PCDH9: variants seen among roughly 807,000 people sequenced by gnomAD.
PCDH9 encodes protocadherin-9.
A neutral mutation model predicts 70.6 loss-of-function variants in PCDH9; 24 were observed. That is an observed-to-expected ratio of 0.34 (90% confidence interval 0.25 to 0.48). The LOEUF is 0.48. PCDH9 is among the 20% of genes least tolerant of loss of function. The pLI, the probability that PCDH9 is intolerant of heterozygous loss-of-function variation, is 0.99. For synonymous variants in PCDH9, 562 were observed against 558.5 expected, an observed-to-expected ratio of 1.01 and a Z score of -0.09; for missense variants, 1,281 against 1,503.6, an observed-to-expected ratio of 0.85 and a Z score of 2.45.
At chr13:67,029,844 T>G (rs988515485) in intron 2 of PCDH9, among the ~76,000 whole-genome samples, 1 of 152,198 alleles carries the variant, frequency 6.6e-6, no homozygotes, top group Non-Finnish European at 1.5e-5. Context: ...TCCAGGTAAA[T>G]TTTTCAATTT....
At chr13:66,558,187 C>T (rs1961826216) in intron 4 of PCDH9, among the ~76,000 whole-genome samples, 1 of 152,076 alleles carries the variant, frequency 6.6e-6, no homozygotes, top group Non-Finnish European at 1.5e-5. Context: ...GCCAGCTCTG[C>T]CACTATTTCT....
chr13:66,797,931 A>G (rs1013617114), intron 3 of PCDH9, among the ~76,000 whole-genome samples: 1 of 151,426 alleles, frequency 6.6e-6, no homozygotes, highest in Non-Finnish European at 1.5e-5. Flanking sequence ...AATGCATTAA[A>G]CAATGTGTTC....
At chr13:66,652,417 T>C (rs534278706) in intron 3 of PCDH9, among the ~76,000 whole-genome samples, 1 of 152,146 alleles carries the variant, frequency 6.6e-6, no homozygotes, top group East Asian at 1.9e-4. Flanking sequence ...GGATTTAACT[T>C]AACCAAAGAA....
intron 2 of PCDH9, among the ~76,000 whole-genome samples, chr13:66,939,222 G>GT (rs1254557972): frequency 6.6e-6 from 1 of 151,716 alleles, no homozygotes; most frequent in East Asian, 1.9e-4. Context: ...AAATATTATT[G>GT]TTTTTTCTTA....
chr13:67,133,606 A>G (rs1052873256), intron 2 of PCDH9, among the ~76,000 whole-genome samples: 1 of 152,088 alleles, frequency 6.6e-6, no homozygotes, highest in African/African-American at 2.4e-5. Flanking sequence ...AGAACCTAGA[A>G]CCCTGGTCTA....
chr13:66,761,114 T>C (rs985276400), intron 3 of PCDH9, among the ~76,000 whole-genome samples: 4 of 152,142 alleles, frequency 2.6e-5, no homozygotes, highest in African/African-American at 9.7e-5. Flanking sequence ...TGGAAGCATG[T>C]GATCTCTGCG....
At chr13:67,192,164 G>A (rs1054514218) in intron 2 of PCDH9, among the ~76,000 whole-genome samples, 2 of 151,880 alleles carry the variant, frequency 1.3e-5, no homozygotes, top group South Asian at 4.2e-4. Context: ...TGGGGATGGG[G>A]AAAAACAAAA....
At chr13:66,925,810 T>G (rs1201371172) in intron 2 of PCDH9, among the ~76,000 whole-genome samples, 1 of 151,988 alleles carries the variant, frequency 6.6e-6, no homozygotes, top group South Asian at 2.1e-4. Context: ...CTTTGTAAAG[T>G]GAATTTTTGC....
At chr13:66,450,485 T>G (rs1017066673) in intron 4 of PCDH9, among the ~76,000 whole-genome samples, 19 of 152,176 alleles carry the variant, frequency 1.2e-4, no homozygotes, top group African/African-American at 4.3e-4. Context: ...GAAAGAAGAT[T>G]AAGCATTTAG....
Position 66,544,204 on chromosome 13 carries a change from T to C in PCDH9, c.3340+87006A>G, listed in dbSNP as rs536113071. Among the ~76,000 whole-genome samples the C allele has an allele frequency of 7.4e-4, 112 of 152,332 alleles. 1 individual carries two copies. The highest frequency in any genetic ancestry group is 2.5e-3 in the African/African-American group (106 of 41,582). Reference sequence around the variant, plus strand: ...ATTTTGCTAATATTTCCCTATTTCCTATCACTGTTTTTCGGTCCAGTATTA... The same window carrying C: ...ATTTTGCTAATATTTCCCTATTTCCCATCACTGTTTTTCGGTCCAGTATTA... On this transcript the variant is annotated intron_variant, in intron 4 of 4. Coordinates refer to ENST00000377865, the MANE Select transcript of PCDH9 (RefSeq NM_203487.3).
intron 2 of PCDH9, among the ~76,000 whole-genome samples, chr13:66,973,612 T>G (rs1594332636): frequency 1.3e-5 from 2 of 152,002 alleles, no homozygotes; most frequent in South Asian, 4.1e-4. Flanking sequence ...CATCTATTCA[T>G]TTTTAATCAT....
At chr13:67,143,003 C>T (rs563373352) in intron 2 of PCDH9, among the ~76,000 whole-genome samples, 3 of 149,408 alleles carry the variant, frequency 2.0e-5, no homozygotes, top group East Asian at 2.0e-4. Context: ...AGCTAGACTA[C>T]GTATCAAAAA....
intron 2 of PCDH9, among the ~76,000 whole-genome samples, chr13:67,168,805 C>T (rs112762012): frequency 0.012 from 1,800 of 152,254 alleles, 41 homozygotes; most frequent in African/African-American, 0.041. Context: ...CAATTACAAT[C>T]ATTTAATGGT....
intron 3 of PCDH9, among the ~76,000 whole-genome samples, chr13:66,790,036 C>T (rs916557368): frequency 7.9e-5 from 12 of 152,038 alleles, no homozygotes; most frequent in Admixed American, 5.2e-4. Context: ...TAATGCTAAA[C>T]GTTTTTAAGG....
At chr13:67,206,299 GGGAC>G (rs2089343396) in intron 2 of PCDH9, 1 of 152,292 alleles carries the variant, frequency 6.6e-6, no homozygotes. Context: ...CCGAGTAGCT[GGGAC>G]TACAGGCGCG....
At chr13:67,021,738 T>A (rs2084676387) in intron 2 of PCDH9, among the ~76,000 whole-genome samples, 1 of 152,022 alleles carries the variant, frequency 6.6e-6, no homozygotes, top group African/African-American at 2.4e-5. Flanking sequence ...TTTTGTATTT[T>A]TAGTAGAGAC....
At chr13:67,189,425 C>T (rs1451379557) in intron 2 of PCDH9, among the ~76,000 whole-genome samples, 3 of 152,016 alleles carry the variant, frequency 2.0e-5, no homozygotes, top group Non-Finnish European at 4.4e-5. Context: ...CTAGCAAGCA[C>T]TGAAATGTGG....
chr13:66,805,812 T>C (rs934076432), intron 3 of PCDH9, among the ~76,000 whole-genome samples: 2 of 152,206 alleles, frequency 1.3e-5, no homozygotes, highest in African/African-American at 4.8e-5. Context: ...ATTTGAGGTT[T>C]GGCAGACTGC....
chr13:66,861,540 A>C (rs1258101458), intron 3 of PCDH9, among the ~76,000 whole-genome samples: 1 of 152,108 alleles, frequency 6.6e-6, no homozygotes, highest in Non-Finnish European at 1.5e-5. Flanking sequence ...TCCCACTGGC[A>C]CTGATGTTAA....
Sources: allele counts gnomAD v4.1 joint callset (sites outside exome capture counted in the v4.1 genomes callset), GRCh38; gene constraint gnomAD v4.1.1; transcripts MANE v1.5; gene names NCBI Gene and HGNC (gene_info 2026-07-23, HGNC 2026-07-21).